Variants in LCLAT1 observed in about 807,000 individuals in gnomAD.
LCLAT1 encodes the protein 1-AGP acyltransferase 8.
LCLAT1 carries 11 observed loss-of-function variants against 30.7 expected under a neutral mutation model. The observed-to-expected ratio is 0.36, with a 90% CI of 0.23 to 0.59. The LOEUF (loss-of-function observed/expected upper bound fraction) is 0.59, where lower values mean the gene tolerates loss of function less well. Ranked by LOEUF, LCLAT1 falls within the 20% of genes least tolerant of loss-of-function variation. The pLI is 0.77. For synonymous variants in LCLAT1, 155 were observed against 151.3 expected (o/e 1.02, Z -0.18); for missense variants, 402 against 458.6 (o/e 0.88, Z 1.13).
intron 5 of LCLAT1, among the ~76,000 whole-genome samples, chr2:30,575,807 G>C (rs993079917): frequency 7.9e-5 from 12 of 152,200 alleles, no homozygotes; most frequent in South Asian, 4.1e-4. Context: ...GTGAGTTTCA[G>C]ATTCTAATAT....
At chr2:30,455,520 G>A (rs1001212076) in intron 1 of LCLAT1, among the ~76,000 whole-genome samples, 1 of 152,096 alleles carries the variant, frequency 6.6e-6, no homozygotes, top group Non-Finnish European at 1.5e-5. Flanking sequence ...GTGGCTGATG[G>A]CATTCCTTGT....
At chr2:30,605,858 G>C (rs1667413826) in intron 5 of LCLAT1, among the ~76,000 whole-genome samples, 1 of 152,030 alleles carries the variant, frequency 6.6e-6, no homozygotes, top group Admixed American at 6.6e-5. Context: ...GGAGTGGGGG[G>C]ATGGTTTCGG....
intron 5 of LCLAT1, among the ~76,000 whole-genome samples, chr2:30,576,447 T>A (rs1665996886): frequency 6.6e-6 from 1 of 152,152 alleles, no homozygotes; most frequent in Non-Finnish European, 1.5e-5. Context: ...GTTTATGTAC[T>A]TAGAATCTCG....
At chr2:30,532,082 A>G (rs528303472) in intron 2 of LCLAT1, among the ~76,000 whole-genome samples, 1 of 152,294 alleles carries the variant, frequency 6.6e-6, no homozygotes, top group East Asian at 1.9e-4. Context: ...TCTTTAAAAT[A>G]TCTTAATCTT....
chr2:30,605,347 A>G (rs963859908), intron 5 of LCLAT1, among the ~76,000 whole-genome samples: 11 of 152,242 alleles, frequency 7.2e-5, no homozygotes, highest in Admixed American at 1.3e-4. Flanking sequence ...ATCAGTGAGT[A>G]GTCTTGACGT....
chr2:30,603,760 G>C (rs948347443), intron 5 of LCLAT1, among the ~76,000 whole-genome samples: 7 of 152,136 alleles, frequency 4.6e-5, no homozygotes, highest in African/African-American at 1.2e-4. Context: ...TTATAGTCCT[G>C]ATCAGAGTAG....
At chr2:30,548,891 A>G (rs1664551578) in intron 3 of LCLAT1, among the ~76,000 whole-genome samples, 1 of 152,192 alleles carries the variant, frequency 6.6e-6, no homozygotes, top group South Asian at 2.1e-4. Flanking sequence ...TATGGTTTGT[A>G]GGGCATGACT....
chr2:30,467,757 T>C (rs1682522969), intron 1 of LCLAT1, among the ~76,000 whole-genome samples: 1 of 152,256 alleles, frequency 6.6e-6, no homozygotes, highest in African/African-American at 2.4e-5. Flanking sequence ...TGTCTGTTCA[T>C]ATCCTTCGCC....
At chr2:30,457,584 C>T (rs829577) in intron 1 of LCLAT1, among the ~76,000 whole-genome samples, 1 of 152,040 alleles carries the variant, frequency 6.6e-6, no homozygotes. Context: ...ATCTGTTAAG[C>T]AAATTCATTT....
chr2:30,454,355 A>G (rs1021824199), intron 1 of LCLAT1, among the ~76,000 whole-genome samples: 46 of 152,242 alleles, frequency 3.0e-4, no homozygotes, highest in African/African-American at 1.1e-3. Context: ...ATGAAATTTT[A>G]TGATGTAGTG....
chr2:30,506,137 T>G (rs1033714031), intron 1 of LCLAT1, among the ~76,000 whole-genome samples: 1 of 152,130 alleles, frequency 6.6e-6, no homozygotes. Context: ...TTATTTCTCC[T>G]AAGTTCTCCC....
chr2:30,630,087 G>A (rs1354274041), intron 5 of LCLAT1, among the ~76,000 whole-genome samples: 2 of 152,088 alleles, frequency 1.3e-5, no homozygotes, highest in East Asian at 1.9e-4. Flanking sequence ...ATGTGTTGGC[G>A]AGGTCAGCTT....
At chr2:30,618,822 GT>G (rs1446026677) in intron 5 of LCLAT1, among the ~76,000 whole-genome samples, 1 of 152,156 alleles carries the variant, frequency 6.6e-6, no homozygotes, top group African/African-American at 2.4e-5. Flanking sequence ...AGTTCTAGTA[GT>G]TTTGTAGACC....
At position 30,476,843 on chromosome 2, in the gene LCLAT1, G is replaced by T. The variant is rs545409004; in HGVS notation, c.-5+29460G>T. On this transcript the variant is annotated intron_variant, in intron 1 of 5. Transcript: ENST00000379509. ...TACAGGCTGTCAGCTCTCTGAGGGTGTATTTAGTTGTCTGTATTAAGCTAG... is the reference window on the plus strand; with the variant it reads ...TACAGGCTGTCAGCTCTCTGAGGGTTTATTTAGTTGTCTGTATTAAGCTAG... 2.8e-3 allele frequency among the ~76,000 whole-genome samples: 427 copies of T among 152,292 alleles called. 2 individuals are homozygous for T. The highest frequency in any genetic ancestry group is 0.021 in the South Asian group (99 of 4,828).
At chr2:30,634,314 C>T (rs971807384) in intron 5 of LCLAT1, among the ~76,000 whole-genome samples, 6 of 152,244 alleles carry the variant, frequency 3.9e-5, no homozygotes, top group African/African-American at 1.4e-4. Flanking sequence ...ACAGAATAGA[C>T]AGCATCTAGA....
At chr2:30,568,028 T>C in intron 4 of LCLAT1, 32 bp from the exon 5 acceptor site, 1 of 1,142,442 alleles carries the variant, frequency 8.8e-7, no homozygotes, top group East Asian at 2.4e-5. Context: ...CCCTTTAGTT[T>C]ATGATTTATA....
chr2:30,552,726 A>G (rs533585409), intron 3 of LCLAT1: 4 of 221,534 alleles, frequency 1.8e-5, no homozygotes, highest in Admixed American at 5.3e-5. Context: ...TGAAATTCTG[A>G]AAAGTATAAC....
chr2:30,484,924 C>CTATGGTATGG (rs767347664), intron 1 of LCLAT1, among the ~76,000 whole-genome samples: 1 of 151,888 alleles, frequency 6.6e-6, no homozygotes, highest in Admixed American at 6.6e-5. Context: ...TTATGGTATG[C>CTATGGTATGG]TATGGTATGG....
At chr2:30,499,653 G>T (rs1684273827) in intron 1 of LCLAT1, among the ~76,000 whole-genome samples, 1 of 152,160 alleles carries the variant, frequency 6.6e-6, no homozygotes, top group Non-Finnish European at 1.5e-5. Flanking sequence ...AGATTTATCA[G>T]ATTTTCAAAG....
Sources: gnomAD v4.1 joint callset for allele counts (sites outside exome capture counted in the v4.1 genomes callset) on GRCh38, gnomAD v4.1.1 for gene constraint, MANE v1.5 for transcripts, NCBI Gene and HGNC (gene_info 2026-07-23, HGNC 2026-07-21) for gene names.